The following TENM2 variants were observed in gnomAD, a reference collection of about 807,000 sequenced individuals.
TENM2 encodes teneurin-2.
A neutral mutation model predicts 245.2 loss-of-function variants in TENM2; 52 were observed. That is an observed-to-expected ratio of 0.21 (90% CI 0.17 to 0.27). The LOEUF (loss-of-function observed/expected upper bound fraction) is 0.27. Among genes scored for constraint, TENM2 ranks in the 10% least tolerant of loss-of-function variants. TENM2 has a pLI of 1.00. For synonymous variants in TENM2, 1,363 were observed against 1,438.9 expected (o/e 0.95, Z 1.19); for missense variants, 3,046 against 3,666.8 (o/e 0.83, Z 4.37).
At chr5:166,998,967 G>A in the TENM2 span, among the ~76,000 whole-genome samples, 1 of 151,326 alleles carries the variant, frequency 6.6e-6, no homozygotes, top group Non-Finnish European at 1.5e-5. Flanking sequence ...TAGTTAATGA[G>A]CTGTGAGAAT....
At chr5:168,262,262 A>T (rs769219627) in exon 29 of TENM2, 2 of 1,607,448 alleles carry the variant, frequency 1.2e-6, no homozygotes, top group Non-Finnish European at 1.7e-6. Flanking sequence ...CAGCGAAGAT[A>T]GCCGCAAGGT....
At chr5:167,250,276 C>T in the TENM2 span, among the ~76,000 whole-genome samples, 2 of 151,964 alleles carry the variant, frequency 1.3e-5, no homozygotes, top group Non-Finnish European at 2.9e-5. Flanking sequence ...AGCCGTGATA[C>T]TGCCACTGCA....
At chr5:167,101,865 A>ATT in the TENM2 span, among the ~76,000 whole-genome samples, 1 of 127,938 alleles carries the variant, frequency 7.8e-6, no homozygotes, top group Non-Finnish European at 1.6e-5. Context: ...ATATATATAT[A>ATT]TATATATATA....
intron 2 of TENM2, among the ~76,000 whole-genome samples, chr5:167,558,186 T>G (rs1179254709): frequency 6.6e-6 from 1 of 152,156 alleles, no homozygotes; most frequent in African/African-American, 2.4e-5. Flanking sequence ...CTGGTCTGAC[T>G]TTGAATTTTC....
At chr5:168,050,917 C>T (rs527322101) in intron 6 of TENM2, among the ~76,000 whole-genome samples, 30 of 152,202 alleles carry the variant, frequency 2.0e-4, no homozygotes, top group Non-Finnish European at 2.5e-4. Flanking sequence ...AGGGAACACA[C>T]AGTCTGCCAG....
At chr5:167,083,517 G>A in the TENM2 span, among the ~76,000 whole-genome samples, 1 of 152,164 alleles carries the variant, frequency 6.6e-6, no homozygotes, top group Non-Finnish European at 1.5e-5. Flanking sequence ...GGCTGACATA[G>A]GAAAAGGGAA....
intron 3 of TENM2, among the ~76,000 whole-genome samples, chr5:167,880,189 T>C (rs565702665): frequency 6.6e-6 from 1 of 152,044 alleles, no homozygotes; most frequent in South Asian, 2.1e-4. Context: ...CACACCACCA[T>C]ACTTGGCTAA....
At chr5:167,209,141 T>A in the TENM2 span, among the ~76,000 whole-genome samples, 5 of 152,240 alleles carry the variant, frequency 3.3e-5, no homozygotes, top group Non-Finnish European at 1.5e-5. Flanking sequence ...TTTCCTTATG[T>A]GTCAAATGAA....
intron 2 of TENM2, among the ~76,000 whole-genome samples, chr5:167,688,870 A>T (rs1222370786): frequency 1.3e-5 from 2 of 152,222 alleles, no homozygotes; most frequent in Non-Finnish European, 1.5e-5. Context: ...TTAATGACAC[A>T]TCTGGTAGTC....
intron 1 of TENM2, among the ~76,000 whole-genome samples, chr5:167,348,308 A>AC (rs1163872491): frequency 2.0e-5 from 3 of 152,182 alleles, no homozygotes; most frequent in Non-Finnish European, 2.9e-5. Flanking sequence ...TTCTTCTGGG[A>AC]CAGTAGTAAT....
At chr5:168,233,829 C>T (rs907172926) in intron 25 of TENM2, among the ~76,000 whole-genome samples, 4 of 152,124 alleles carry the variant, frequency 2.6e-5, no homozygotes, top group African/African-American at 9.7e-5. Context: ...TTGACGGCAT[C>T]AAGAGAAAAT....
At chr5:167,706,733 G>A (rs545461162) in intron 2 of TENM2, among the ~76,000 whole-genome samples, 4 of 151,536 alleles carry the variant, frequency 2.6e-5, no homozygotes, top group African/African-American at 9.7e-5. Flanking sequence ...AGGGTTGCCC[G>A]GCCGGGCGCG....
At chr5:168,009,288 C>T (rs1052002764) in intron 5 of TENM2, among the ~76,000 whole-genome samples, 2 of 152,148 alleles carry the variant, frequency 1.3e-5, no homozygotes, top group African/African-American at 4.8e-5. Flanking sequence ...AGAAACTTGC[C>T]TTTTGATCAG....
the TENM2 span, among the ~76,000 whole-genome samples, chr5:167,171,958 A>C: frequency 2.0e-5 from 3 of 152,174 alleles, no homozygotes; most frequent in African/African-American, 7.2e-5. Context: ...TTCACTTGGC[A>C]CTTGGGAATG....
intron 2 of TENM2, among the ~76,000 whole-genome samples, chr5:167,796,160 G>A (rs1368610874): frequency 1.3e-5 from 2 of 152,146 alleles, no homozygotes; most frequent in Non-Finnish European, 2.9e-5. Flanking sequence ...TCCTCCTCTG[G>A]CACCATGGTG....
At chr5:167,236,838 G>T in the TENM2 span, among the ~76,000 whole-genome samples, 20 of 151,304 alleles carry the variant, frequency 1.3e-4, no homozygotes, top group South Asian at 4.2e-4. Flanking sequence ...CCACTGGCTG[G>T]CTGACCACAT....
intron 25 of TENM2, among the ~76,000 whole-genome samples, chr5:168,233,784 C>T (rs367828446): frequency 6.6e-6 from 1 of 152,254 alleles, no homozygotes; most frequent in East Asian, 1.9e-4. Context: ...GGGGAGGCCT[C>T]AGAATCATGG....
At chr5:167,675,925 G>A (rs1366498310) in intron 2 of TENM2, among the ~76,000 whole-genome samples, 3 of 152,086 alleles carry the variant, frequency 2.0e-5, no homozygotes, top group South Asian at 4.2e-4. Flanking sequence ...CACTGCTCAG[G>A]TTGCTTGGGT....
intron 2 of TENM2, among the ~76,000 whole-genome samples, chr5:167,496,710 A>G (rs111236100): frequency 1.7e-3 from 259 of 151,836 alleles, no homozygotes; most frequent in African/African-American, 6.0e-3. Context: ...GTTAGCACAG[A>G]CCCTCCATTG....
Sources: gnomAD v4.1 joint callset for allele counts (sites outside exome capture counted in the v4.1 genomes callset) on GRCh38, gnomAD v4.1.1 for gene constraint, MANE v1.5 for transcripts, NCBI Gene and HGNC (gene_info 2026-07-23, HGNC 2026-07-21) for gene names.